MAMDC2: variants seen among roughly 807,000 people sequenced by gnomAD.
The protein encoded by MAMDC2 is MAM domain-containing protein 2.
Under a neutral mutation model 89.8 loss-of-function variants are expected in MAMDC2, and 57 were observed. That is an observed-to-expected ratio of 0.63 (90% CI 0.51 to 0.79). The LOEUF (loss-of-function observed/expected upper bound fraction) is 0.79, where lower values mean the gene tolerates loss of function less well. Among genes scored for constraint, MAMDC2 ranks in the 30% least tolerant of loss-of-function variants. The pLI, the probability that MAMDC2 is intolerant of heterozygous loss-of-function variation, is 0.00. For synonymous variants in MAMDC2, 313 were observed against 293.4 expected (o/e 1.07, Z -0.68); for missense variants, 800 against 820.6 (o/e 0.97, Z 0.31).
chr9:70,086,567 T>C (rs1827775176), intron 2 of MAMDC2: 1 of 152,146 alleles, frequency 6.6e-6, no homozygotes. Context: ...ATCATCCACA[T>C]TCCTTTTCCC....
At chr9:70,085,229 C>T (rs1051627583) in intron 2 of MAMDC2, among the ~76,000 whole-genome samples, 3 of 151,922 alleles carry the variant, frequency 2.0e-5, no homozygotes, top group African/African-American at 7.3e-5. Flanking sequence ...TCAGTATTAC[C>T]ATCAACAGCC....
At chr9:70,121,176 C>T (rs757447700) in intron 5 of MAMDC2, among the ~76,000 whole-genome samples, 4 of 152,170 alleles carry the variant, frequency 2.6e-5, no homozygotes, top group Admixed American at 1.3e-4. Flanking sequence ...ATTCAGGAAC[C>T]GCCTTTAAAG....
intron 2 of MAMDC2, chr9:70,079,261 G>A (rs911492537): frequency 6.6e-6 from 1 of 152,112 alleles, no homozygotes; most frequent in Admixed American, 6.6e-5. Context: ...ATTATTAGCA[G>A]AGCTCCCAAA....
intron 2 of MAMDC2, among the ~76,000 whole-genome samples, chr9:70,062,290 A>G (rs969864357): frequency 1.3e-5 from 2 of 151,968 alleles, no homozygotes; most frequent in Admixed American, 6.6e-5. Flanking sequence ...CTATCTCTTT[A>G]TATATTTATC....
At chr9:70,200,454 GC>G (rs1001365916) in intron 11 of MAMDC2, among the ~76,000 whole-genome samples, 6 of 151,160 alleles carry the variant, frequency 4.0e-5, no homozygotes, top group African/African-American at 1.5e-4. Flanking sequence ...GGTTACTGTA[GC>G]CTTGTAGTAT....
intron 11 of MAMDC2, among the ~76,000 whole-genome samples, chr9:70,203,385 C>G (rs1307459316): frequency 7.7e-6 from 1 of 129,518 alleles, no homozygotes; most frequent in African/African-American, 2.9e-5. Flanking sequence ...ATATTGGCCC[C>G]CACTCTCTTC....
At chr9:70,191,116 G>A (rs2032868547) in intron 11 of MAMDC2, among the ~76,000 whole-genome samples, 1 of 152,136 alleles carries the variant, frequency 6.6e-6, no homozygotes, top group Non-Finnish European at 1.5e-5. Flanking sequence ...TTAGGAGCCT[G>A]ACTGAAGTTC....
intron 12 of MAMDC2, among the ~76,000 whole-genome samples, chr9:70,223,356 A>T (rs1587586445): frequency 6.6e-6 from 1 of 152,194 alleles, no homozygotes; most frequent in Admixed American, 6.5e-5. Context: ...CTAATTATTA[A>T]CCAAAATTAT....
Position 70,193,005 on chromosome 9 carries a change from A to C in MAMDC2, c.1651+22374A>C, listed in dbSNP as rs528673905. Among the ~76,000 whole-genome samples the C allele has an allele frequency of 5.3e-5, 8 of 152,178 alleles. No homozygotes were observed. The East Asian group carries it at 1.4e-3, about 26-fold the overall frequency. On this transcript the variant is annotated intron_variant, in intron 11 of 13. Transcript: ENST00000377182. ...GATGAGGACCCTTACATTGAGGGTG[A>C]TCAGATATTGAGGGTGGGGGGTTCT...
chr9:70,146,014 G>A (rs1042775244), intron 9 of MAMDC2, among the ~76,000 whole-genome samples: 1 of 152,104 alleles, frequency 6.6e-6, no homozygotes, highest in East Asian at 1.9e-4. Flanking sequence ...GTGTTTAGAC[G>A]GTTAAAATTC....
chr9:70,091,126 GT>G (rs1359225443), intron 2 of MAMDC2, among the ~76,000 whole-genome samples: 1 of 152,166 alleles, frequency 6.6e-6, no homozygotes, highest in African/African-American at 2.4e-5. Context: ...GAAACTGAGG[GT>G]AAGAGGAAGG....
intron 2 of MAMDC2, chr9:70,079,139 A>C (rs1587450826): frequency 6.6e-6 from 1 of 152,046 alleles, no homozygotes; most frequent in Non-Finnish European, 1.5e-5. Flanking sequence ...TGGGTCACCA[A>C]CTCCTGGCCT....
chr9:70,082,411 G>T (rs1827674013), intron 2 of MAMDC2, among the ~76,000 whole-genome samples: 1 of 152,050 alleles, frequency 6.6e-6, no homozygotes, highest in Non-Finnish European at 1.5e-5. Context: ...TTTAAAAAAG[G>T]CATCTTCAAA....
chr9:70,143,763 C>A lies in MAMDC2; in HGVS notation c.1348C>A (p.Pro450Thr). 6.2e-7 allele frequency: 1 copy of A among 1,614,120 alleles called. No homozygotes were observed. The change falls in exon 9 of 14, where the codon CCA becomes ACA. Residue 450 changes from proline (P) to threonine (T), a missense_variant. Pro to Thr is a conservative substitution (Grantham distance 38). Coordinates refer to ENST00000377182, the MANE Select transcript of MAMDC2 (RefSeq NM_153267.5). Reference protein sequence around the residue: ...QEKIWSVLESPRGVWMQAEIT... With the variant: ...QEKIWSVLESTRGVWMQAEIT... ...GAAGATCTGGTCTGTGTTGGAGTCC[C>A]CAAGGGGTGTTTGGATGCAAGCTGA...
At chr9:70,145,448 A>G (rs2118425658) in intron 9 of MAMDC2, among the ~76,000 whole-genome samples, 1 of 152,322 alleles carries the variant, frequency 6.6e-6, no homozygotes, top group Admixed American at 6.5e-5. Flanking sequence ...TCGATTTACT[A>G]GTACTGGAGA....
intron 11 of MAMDC2, chr9:70,217,160 T>A (rs1430432052): frequency 3.1e-6 from 2 of 647,904 alleles, no homozygotes; most frequent in African/African-American, 3.6e-5. Context: ...AATATGGCTC[T>A]TCGCCATCTT....
At chr9:70,126,011 CA>C (rs1237931724) in intron 5 of MAMDC2, 147 bp from the exon 6 acceptor site, 6 of 846,664 alleles carry the variant, frequency 7.1e-6, no homozygotes, top group Non-Finnish European at 1.1e-5. Context: ...CACTCATGGC[CA>C]AACCTCTGTC....
intron 2 of MAMDC2, among the ~76,000 whole-genome samples, chr9:70,063,545 C>A (rs182722428): frequency 1.3e-5 from 2 of 152,020 alleles, no homozygotes; most frequent in African/African-American, 4.8e-5. Flanking sequence ...AATATAAGAA[C>A]GTTATTTACT....
rs563745925 is a variant in MAMDC2, at chr9:70,137,792, C to T, written c.995-2353C>T. On this transcript the variant is annotated intron_variant, in intron 7 of 13. Transcript: ENST00000377182. Reference sequence around the variant, plus strand: ...AGACAAGAATCACACTTGGCTGCACCGACTGTATCCCAACTGCTACAGTCA... The same window carrying T: ...AGACAAGAATCACACTTGGCTGCACTGACTGTATCCCAACTGCTACAGTCA... Among the ~76,000 whole-genome samples, 5 of 152,260 alleles carry T rather than the reference C, an allele frequency of 3.3e-5. No individual in the cohort carries two copies. In the East Asian group the frequency reaches 5.8e-4, roughly 18 times the overall value.
Sources: allele counts gnomAD v4.1 joint callset (sites outside exome capture counted in the v4.1 genomes callset), GRCh38; gene constraint gnomAD v4.1.1; transcripts MANE v1.5; gene names NCBI Gene and HGNC (gene_info 2026-07-23, HGNC 2026-07-21).